The following GORAB variants were observed in gnomAD, a reference collection of about 807,000 sequenced individuals.
GORAB encodes golgin, RAB6 interacting.
Under a neutral mutation model 29.9 loss-of-function variants are expected in GORAB, and 17 were observed. That is an observed-to-expected ratio of 0.57 (90% CI 0.39 to 0.85). The LOEUF is 0.85. Among genes scored for constraint, GORAB ranks in the 40% least tolerant of loss-of-function variants. The probability of loss-of-function intolerance (pLI) is 0.00; values close to 1 mark genes in which losing one functional copy is unlikely to be tolerated. For synonymous variants in GORAB, 183 were observed against 157.2 expected (o/e 1.16, Z -1.23); for missense variants, 442 against 437.8 (o/e 1.01, Z -0.09).
chr1:170,552,194 A>G lies in GORAB; in HGVS notation c.842A>G (p.Glu281Gly). The G allele has an allele frequency of 6.2e-7, 1 of 1,614,160 alleles. No homozygotes were observed. Among genetic ancestry groups the G allele is most frequent in the Non-Finnish European group, 8.5e-7 (1 of 1,180,006 alleles). Residue 281 changes from glutamate (E) to glycine (G), a missense_variant, in exon 5 of 5, where the codon GAG becomes GGG. Transcript: ENST00000367763. ...CAACTAGATGTAGAAGCCGATGAAG[A>G]GACTTTGGAGCTTGAGGTGGAGGTC... The part of the protein sequence containing the change: ...MQQLDVEADE[E>G]TLELEVEVER...
In GORAB at chr1:170,536,512, A is replaced by G. The variant is rs983776090; in HGVS notation, c.62-2698A>G. 10 of 152,236 alleles carry G rather than the reference A, an allele frequency of 6.6e-5. No individual in the cohort carries two copies. In the East Asian group the frequency reaches 1.5e-3, roughly 23 times the overall value. 9.4% of individuals were successfully genotyped at this position (152,236 alleles called of 1,614,324 possible). On this transcript the variant is annotated intron_variant, in intron 1 of 4. Transcript: ENST00000367763. Reference sequence around the variant, plus strand: ...AAAGTGCATCCACAGGATCTTATACATTACTAGAGGGAGCACACTTTGGAA... The same window carrying G: ...AAAGTGCATCCACAGGATCTTATACGTTACTAGAGGGAGCACACTTTGGAA...
At chr1:170,532,628 G>A (rs947168471) in intron 1 of GORAB, 7 of 330,362 alleles carry the variant, frequency 2.1e-5, no homozygotes, top group Non-Finnish European at 2.9e-5. Flanking sequence ...CGGTTGGAAG[G>A]TTAGGGTCAG....
At chr1:170,537,416 G>T (rs982804982) in intron 1 of GORAB, among the ~76,000 whole-genome samples, 6 of 152,100 alleles carry the variant, frequency 3.9e-5, no homozygotes, top group Admixed American at 6.6e-5. Flanking sequence ...TCAGCCTAGA[G>T]CCTTGAGAGA....
chr1:170,544,295 A>C (rs1490827185), intron 3 of GORAB, among the ~76,000 whole-genome samples: 1 of 152,214 alleles, frequency 6.6e-6, no homozygotes, highest in Non-Finnish European at 1.5e-5. Context: ...ATAGACATCT[A>C]TCTGTTCTTA....
chr1:170,534,014 G>A (rs1648883693), intron 1 of GORAB, among the ~76,000 whole-genome samples: 1 of 152,280 alleles, frequency 6.6e-6, no homozygotes, highest in East Asian at 1.9e-4. Context: ...TTAGGAAGAT[G>A]GAGTTGGTTG....
intron 4 of GORAB, chr1:170,545,747 T>G: frequency 1.0e-6 from 1 of 985,082 alleles, no homozygotes; most frequent in African/African-American, 1.7e-5. Context: ...AAAGCGGAAA[T>G]GCTTGATTGT....
At chr1:170,536,123 G>A (rs1159813580) in intron 1 of GORAB, among the ~76,000 whole-genome samples, 1 of 151,776 alleles carries the variant, frequency 6.6e-6, no homozygotes, top group Admixed American at 6.6e-5. Context: ...CCACTAACGT[G>A]GTATATGTCT....
Position 170,549,721 on chromosome 1 carries a change from A to G in GORAB, c.663-2294A>G, listed in dbSNP as rs569612753. Among the ~76,000 whole-genome samples the G allele has an allele frequency of 7.2e-5, 11 of 152,350 alleles. No individual in the cohort carries two copies. The South Asian group carries it at 2.3e-3, about 32-fold the overall frequency. On this transcript the variant is annotated intron_variant, in intron 4 of 4. Transcript: ENST00000367763. ...GTTCCTTTAGAACAATTCTTTTAAC[A>G]TAGAGGGTTATTGAAAGATAATGGG...
intron 4 of GORAB, among the ~76,000 whole-genome samples, chr1:170,547,156 T>C (rs1483299344): frequency 6.6e-6 from 1 of 152,194 alleles, no homozygotes; most frequent in East Asian, 1.9e-4. Context: ...AATATTATGG[T>C]CCAGATTTGA....
At chr1:170,550,497 A>G (rs753154837) in intron 4 of GORAB, among the ~76,000 whole-genome samples, 1 of 152,210 alleles carries the variant, frequency 6.6e-6, no homozygotes, top group Non-Finnish European at 1.5e-5. Flanking sequence ...CCTACAATAA[A>G]ACCCAATTTT....
At chr1:170,535,215 C>A (rs1225503603) in intron 1 of GORAB, among the ~76,000 whole-genome samples, 1 of 152,194 alleles carries the variant, frequency 6.6e-6, no homozygotes, top group African/African-American at 2.4e-5. Flanking sequence ...GAAATAAATT[C>A]TCTCTTCTAA....
intron 2 of GORAB, among the ~76,000 whole-genome samples, chr1:170,542,091 TA>T (rs1293175823): frequency 2.6e-5 from 4 of 152,346 alleles, no homozygotes; most frequent in Middle Eastern, 3.4e-3. Context: ...TAGAAAACTC[TA>T]AAAGGTATAA....
At chr1:170,548,733 A>G (rs1649912243) in intron 4 of GORAB, among the ~76,000 whole-genome samples, 1 of 152,206 alleles carries the variant, frequency 6.6e-6, no homozygotes, top group Non-Finnish European at 1.5e-5. Context: ...TTTTATTACA[A>G]AAGGGAATAA....
intron 4 of GORAB, among the ~76,000 whole-genome samples, chr1:170,550,668 C>G (rs1268402463): frequency 1.3e-5 from 2 of 152,178 alleles, no homozygotes; most frequent in Admixed American, 6.5e-5. Context: ...GACAGAGAAT[C>G]CTAAATTAGG....
Position 170,544,572 on chromosome 1 carries a change from T to C in GORAB, c.522-133T>C, listed in dbSNP as rs550715545. On this transcript the variant is annotated intron_variant, in intron 3 of 4. Transcript: ENST00000367763. ...CCAGCTTTTACTTTATTTCAATTTT[T>C]CTGATTTTTTTCTAACTTTTAAAAT... The C allele has an allele frequency of 6.3e-4, 393 of 624,804 alleles. 1 individual carries two copies. The highest frequency in any genetic ancestry group is 4.2e-3 in the Middle Eastern group (9 of 2,154). The allele number at this position is 624,804 out of a possible 1,614,324, so 38.7% of individuals were successfully genotyped here.
Position 170,542,530 on chromosome 1 carries a change from A to G in GORAB, c.459A>G (p.Gln153=). The G allele has an allele frequency of 6.2e-7, 1 of 1,613,876 alleles. No individual in the cohort carries two copies. Among genetic ancestry groups the G allele is most frequent in the Middle Eastern group, 1.7e-4 (1 of 6,058 alleles). ...KSRWEVLQQE[Q]RLMEEKNKRK... ...GTTGGGAAGTCCTCCAACAAGAACA[A>G]CGGCTAATGGAAGAGAAAAATAAAC... Residue 153 remains glutamine (Q), a synonymous_variant, in exon 3 of 5, where the codon CAA becomes CAG. Coordinates refer to ENST00000367763, the MANE Select transcript of GORAB (RefSeq NM_152281.3).
chr1:170,544,426 GTGTT>G (rs1338948773), intron 3 of GORAB, among the ~76,000 whole-genome samples: 1 of 152,134 alleles, frequency 6.6e-6, no homozygotes, highest in East Asian at 1.9e-4. Context: ...TATTCTTTTA[GTGTT>G]TGTTCTCTTT....
chr1:170,533,033 T>G (rs888881260), intron 1 of GORAB, among the ~76,000 whole-genome samples: 2 of 152,228 alleles, frequency 1.3e-5, no homozygotes, highest in Non-Finnish European at 2.9e-5. Context: ...CTTAGTAATA[T>G]TAATTGCACT....
At chr1:170,532,923 G>C (rs1239563676) in intron 1 of GORAB, among the ~76,000 whole-genome samples, 1 of 152,164 alleles carries the variant, frequency 6.6e-6, no homozygotes, top group East Asian at 1.9e-4. Context: ...AGCTAACCTT[G>C]TGCTTCTCTC....
Sources: allele counts gnomAD v4.1 joint callset (sites outside exome capture counted in the v4.1 genomes callset), GRCh38; gene constraint gnomAD v4.1.1; transcripts MANE v1.5; gene names NCBI Gene and HGNC (gene_info 2026-07-23, HGNC 2026-07-21).